NOL11: variants seen among roughly 807,000 people sequenced by gnomAD.
NOL11 encodes the protein nucleolar protein 11.
In NOL11, 42 loss-of-function variants were observed where a neutral mutation model predicts 93.0. The observed-to-expected ratio is 0.45, with a 90% CI of 0.35 to 0.58. NOL11 has a LOEUF of 0.58. Ranked by LOEUF, NOL11 falls within the 20% of genes least tolerant of loss-of-function variation. The pLI is 0.00. For synonymous variants in NOL11, 296 were observed against 293.7 expected, an observed-to-expected ratio of 1.01 and a Z score of -0.08; for missense variants, 775 against 841.8, an observed-to-expected ratio of 0.92 and a Z score of 0.98.
At chr17:67,737,772 TC>T in intron 12 of NOL11, 74 bp from the exon 13 acceptor site, 7 of 1,582,540 alleles carry the variant, frequency 4.4e-6, no homozygotes, top group Non-Finnish European at 6.0e-6. Context: ...TCTGAAACTC[TC>T]AAAAGGCTTA....
At position 67,718,019 on chromosome 17, in the gene NOL11, C is replaced by A; in HGVS notation, c.72C>A (p.Gly24=). ...GCGCCGGGCCTGAAGGACTCCTAGG[C>A]GTGGAGCAGAGCGACAAAACAGACC... ...VLSAGPEGLL[G]VEQSDKTDQF... Residue 24 remains glycine, a synonymous_variant, in exon 1 of 18, where the codon GGC becomes GGA. Coordinates refer to ENST00000253247, the MANE Select transcript of NOL11 (RefSeq NM_015462.5). The A allele has an allele frequency of 2.5e-6, 4 of 1,614,180 alleles. No individual in the cohort carries two copies. The highest frequency in any genetic ancestry group is 1.7e-5 in the Admixed American group (1 of 60,022).
intron 7 of NOL11, among the ~76,000 whole-genome samples, chr17:67,729,605 G>A (rs1019222989): frequency 6.6e-6 from 1 of 151,188 alleles, no homozygotes; most frequent in Non-Finnish European, 1.5e-5. Context: ...TTGAGGCAGA[G>A]TCTTGCTCTG....
At chr17:67,735,877 G>GTT in intron 8 of NOL11, 23 bp from the exon 9 acceptor site, 1 of 1,597,972 alleles carries the variant, frequency 6.3e-7, no homozygotes, top group South Asian at 1.1e-5. Context: ...ATTTGCTTAT[G>GTT]TTTTTGATAA....
rs1023878355 is a variant in NOL11, at chr17:67,718,191, G to C, written c.141+103G>C. The C allele has an allele frequency of 8.6e-6, 13 of 1,510,410 alleles. No individual in the cohort carries two copies. The Admixed American group carries it at 2.1e-4, about 24-fold the overall frequency. The allele number at this position is 1,510,410 out of a possible 1,614,324, so 93.6% of individuals were successfully genotyped here. A position where few individuals can be genotyped will look rare whatever the true frequency, so the allele number is the denominator to read the frequency against. On this transcript the variant is annotated intron_variant, in intron 1 of 17. Coordinates refer to ENST00000253247, the MANE Select transcript of NOL11 (RefSeq NM_015462.5). ...CACAGCTTCAGAAAGAGATCGTGGA[G>C]AAGGCTTAGCAGAGAGCCGGCTGGG... is the stretch of plus-strand genomic sequence containing the variant.
chr17:67,720,880 C>T (rs1210765743), intron 3 of NOL11, among the ~76,000 whole-genome samples: 1 of 152,158 alleles, frequency 6.6e-6, no homozygotes, highest in Non-Finnish European at 1.5e-5. Flanking sequence ...CTGTGCTGTT[C>T]CCTGGCTCCA....
chr17:67,737,284 G>C, intron 11 of NOL11, 139 bp downstream of exon 11: 1 of 690,970 alleles, frequency 1.4e-6, no homozygotes, highest in South Asian at 1.9e-5. Flanking sequence ...GGGTGTCAGA[G>C]TTGATCCGAT....
At chr17:67,725,837 T>G (rs1386657406) in intron 6 of NOL11, among the ~76,000 whole-genome samples, 3 of 152,196 alleles carry the variant, frequency 2.0e-5, no homozygotes, top group Non-Finnish European at 2.9e-5. Context: ...CCCGGTACTT[T>G]GGGAGACCAA....
intron 3 of NOL11, 78 bp from the exon 4 acceptor site, chr17:67,721,300 A>G (rs1482027416): frequency 1.1e-6 from 1 of 884,482 alleles, no homozygotes; most frequent in Non-Finnish European, 1.6e-6. Context: ...TCACTTAAAA[A>G]GAAGCCTTCT....
In NOL11 at chr17:67,740,350, C is replaced by T. The variant is rs1394265221; in HGVS notation, c.1935+742C>T. ...TTATGCTGGGTGCGGTGGCTCATGC[C>T]TGTAATCCCAACACTTTGAGAGGCT... is the stretch of plus-strand genomic sequence containing the variant. On this transcript the variant is annotated intron_variant, in intron 16 of 17. Transcript: ENST00000253247. 2.0e-5 allele frequency among the ~76,000 whole-genome samples: 3 copies of T among 151,974 alleles called. No individual in the cohort carries two copies. The South Asian group carries it at 6.2e-4, about 31-fold the overall frequency.
intron 1 of NOL11, 132 bp downstream of exon 1, chr17:67,718,220 G>A: frequency 5.6e-6 from 7 of 1,243,624 alleles, no homozygotes; most frequent in Non-Finnish European, 6.7e-6. Flanking sequence ...GGCTGGGCCT[G>A]TTGGGGACGC....
chr17:67,743,644 C>A (rs2055275157), intron 17 of NOL11, 58 bp downstream of exon 17: 1 of 1,247,700 alleles, frequency 8.0e-7, no homozygotes, highest in South Asian at 1.3e-5. Context: ...ACCTGAATTA[C>A]AATTATTCTT....
rs746635707 is a variant in NOL11, at chr17:67,743,763, C to T, written c.2064C>T (p.Leu688=). Residue 688 remains leucine (L), a synonymous_variant, in exon 18 of 18, where the codon CTC becomes CTT. Coordinates refer to ENST00000253247, the MANE Select transcript of NOL11 (RefSeq NM_015462.5). The stretch of plus-strand genomic sequence containing the variant: ...TTTAGATATCTGTTTATTCTGAGCT[C>T]AACAAGATTGAAGTAAGTTTTCGGG... ...VKSQISVYSE[L]NKIEVSFREL... 1.3e-6 allele frequency: 2 copies of T among 1,528,438 alleles called. No homozygotes were observed. Among genetic ancestry groups the T allele is most frequent in the Non-Finnish European group, 1.8e-6 (2 of 1,138,468 alleles). The allele number at this position is 1,528,438 out of a possible 1,614,324, so 94.7% of individuals were successfully genotyped here. A position where few individuals can be genotyped will look rare whatever the true frequency, so the allele number is the denominator to read the frequency against.
chr17:67,743,680 C>G (rs74802271), intron 17 of NOL11, 63 bp from the exon 18 acceptor site: 16,144 of 1,203,810 alleles, frequency 0.013, 167 homozygotes, highest in African/African-American at 0.037. Flanking sequence ...ATAACTTACT[C>G]ATGGAAGATT....
At position 67,726,581 on chromosome 17, in the gene NOL11, AG is replaced by A; in HGVS notation, c.787del (p.Val263LeufsTer14). On this transcript the variant is annotated frameshift_variant, in exon 7 of 18. Transcript: ENST00000253247. LOFTEE classifies it high-confidence loss of function. ...AVVSGNARNG[V>X]ALTALDQDHV... ...TTGTATCTGGTAACGCTCGAAATGG[AG>A]TTGCACTCACTGCCCTGGATCAGGA... The A allele has an allele frequency of 1.2e-6, 2 of 1,614,056 alleles. No individual in the cohort carries two copies. The highest frequency in any genetic ancestry group is 1.7e-6 in the Non-Finnish European group (2 of 1,179,990).
chr17:67,730,371 C>T lies in NOL11; in HGVS notation c.853+3723C>T, dbSNP rs766143861. Among the ~76,000 whole-genome samples the T allele has an allele frequency of 1.1e-3, 172 of 152,324 alleles. 1 individual carries two copies. Among genetic ancestry groups the T allele is most frequent in the Middle Eastern group, 3.4e-3 (1 of 294 alleles). ...CGCCTCTCGGGTTCACACCATTCTT[C>T]TGTCTCAGCTTTCCAAGTAGCTGGG... On this transcript the variant is annotated intron_variant, in intron 7 of 17. Transcript: ENST00000253247.
intron 6 of NOL11, among the ~76,000 whole-genome samples, chr17:67,725,625 A>G (rs1377342165): frequency 2.6e-5 from 4 of 152,228 alleles, no homozygotes; most frequent in Non-Finnish European, 5.9e-5. Flanking sequence ...ATTGGAATGT[A>G]CTTAATGTTT....
At chr17:67,738,567 C>A (rs1213226678) in intron 14 of NOL11, 1 of 527,908 alleles carries the variant, frequency 1.9e-6, no homozygotes, top group African/African-American at 1.9e-5. Flanking sequence ...ATGGGTGGCT[C>A]ATGCCTGTAG....
chr17:67,726,868 C>T, intron 7 of NOL11: 1 of 401,800 alleles, frequency 2.5e-6, no homozygotes, highest in Non-Finnish European at 4.4e-6. Context: ...CACCACCATG[C>T]TCATAACTAT....
At chr17:67,739,431 A>G in intron 15 of NOL11, 85 bp from the exon 16 acceptor site, 2 of 780,980 alleles carry the variant, frequency 2.6e-6, no homozygotes, top group South Asian at 1.8e-5. Context: ...TAAATTGAAC[A>G]TTTTTTTCAA....
Sources: allele counts gnomAD v4.1 joint callset (sites outside exome capture counted in the v4.1 genomes callset), GRCh38; gene constraint gnomAD v4.1.1; transcripts MANE v1.5; gene names NCBI Gene and HGNC (gene_info 2026-07-23, HGNC 2026-07-21).